ATP10D: variants seen among roughly 807,000 people sequenced by gnomAD.
The protein encoded by ATP10D is ATPase phospholipid transporting 10D (putative), also known as phospholipid-transporting ATPase VD.
In ATP10D, 89 loss-of-function variants were observed where a neutral mutation model predicts 144.8. The ratio of observed to expected loss-of-function variants is 0.61; its 90% confidence interval spans 0.52 to 0.73. The LOEUF (loss-of-function observed/expected upper bound fraction) is 0.73. Ranked by LOEUF, ATP10D falls within the 30% of genes least tolerant of loss-of-function variation. ATP10D has a pLI of 0.00. For missense variants in ATP10D, 1,603 were observed against 1,714.8 expected, an observed-to-expected ratio of 0.93 and a Z score of 1.15; for synonymous variants, 571 against 615.1, an observed-to-expected ratio of 0.93 and a Z score of 1.06.
intron 10 of ATP10D, chr4:47,547,108 T>C: frequency 6.0e-6 from 3 of 498,788 alleles, no homozygotes; most frequent in Non-Finnish European, 1.1e-5. Context: ...AAAAGGAGAA[T>C]ATTTCTGGCC....
intron 1 of ATP10D, among the ~76,000 whole-genome samples, chr4:47,505,650 C>T (rs1462516090): frequency 1.3e-5 from 2 of 151,906 alleles, no homozygotes; most frequent in South Asian, 4.2e-4. Flanking sequence ...GTGGAAGGAT[C>T]GCTTGAACCA....
intron 10 of ATP10D, among the ~76,000 whole-genome samples, chr4:47,554,474 CT>C (rs1718876237): frequency 6.6e-6 from 1 of 152,090 alleles, no homozygotes; most frequent in South Asian, 2.1e-4. Context: ...AACTAAACTC[CT>C]GTTTAGTTTA....
rs1011341205 is a variant in ATP10D, at chr4:47,512,881, A to G, written c.290+51A>G. The G allele has an allele frequency of 6.1e-6, 9 of 1,485,104 alleles. No individual in the cohort carries two copies. The Admixed American group carries it at 1.6e-4, about 26-fold the overall frequency. 92.0% of individuals were successfully genotyped at this position (1,485,104 alleles called of 1,614,324 possible). A position where few individuals can be genotyped will look rare whatever the true frequency, so the allele number is the denominator to read the frequency against. On this transcript the variant is annotated intron_variant, in intron 2 of 22. Coordinates refer to ENST00000273859, the MANE Select transcript of ATP10D (RefSeq NM_020453.4). ...CTTAGAATATCATTCTAGTTGATAT[A>G]TAACATATTTTTCATTTTCATAACC... is the stretch of plus-strand genomic sequence containing the variant.
At chr4:47,549,642 A>G (rs1181263550) in intron 10 of ATP10D, among the ~76,000 whole-genome samples, 1 of 152,256 alleles carries the variant, frequency 6.6e-6, no homozygotes, top group Non-Finnish European at 1.5e-5. Context: ...AGAGAGACAT[A>G]TAAATGAATA....
chr4:47,563,678 C>T lies in ATP10D; in HGVS notation c.2766C>T (p.Asp922=). ...TCAAGATCTGGATGCTGACAGGGGACAAGCAGGAGACAGCTGTCAACATAG... is the reference window on the plus strand; with the variant it reads ...TCAAGATCTGGATGCTGACAGGGGATAAGCAGGAGACAGCTGTCAACATAG... ...AGIKIWMLTG[D]KQETAVNIAY... is the part of the protein sequence containing the mutation. The change falls in exon 15 of 23, where the codon GAC becomes GAT. Residue 922 remains aspartate, a synonymous_variant. Transcript: ENST00000273859. 1 of 1,613,944 alleles carries T rather than the reference C, an allele frequency of 6.2e-7. No individual in the cohort carries two copies. The highest frequency in any genetic ancestry group is 8.5e-7 in the Non-Finnish European group (1 of 1,179,946).
intron 21 of ATP10D, among the ~76,000 whole-genome samples, chr4:47,585,209 C>T (rs1235699838): frequency 6.6e-6 from 1 of 151,910 alleles, no homozygotes; most frequent in Non-Finnish European, 1.5e-5. Flanking sequence ...TAATCAAACC[C>T]TAGACTCAGC....
At chr4:47,549,134 A>G (rs982601505) in intron 10 of ATP10D, among the ~76,000 whole-genome samples, 1 of 152,262 alleles carries the variant, frequency 6.6e-6, no homozygotes, top group Admixed American at 6.5e-5. Flanking sequence ...TTTTAGAAAT[A>G]GAAACCTCTG....
At chr4:47,500,745 T>G (rs980457563) in intron 1 of ATP10D, among the ~76,000 whole-genome samples, 3 of 152,172 alleles carry the variant, frequency 2.0e-5, no homozygotes, top group Non-Finnish European at 2.9e-5. Flanking sequence ...AGGTCTATGC[T>G]AGGGGAACTT....
intron 1 of ATP10D, among the ~76,000 whole-genome samples, chr4:47,495,464 T>C (rs1480169849): frequency 2.0e-5 from 3 of 152,170 alleles, no homozygotes; most frequent in Non-Finnish European, 4.4e-5. Flanking sequence ...AAAATGAAGT[T>C]CTGTTTTCTA....
At chr4:47,534,981 C>A (rs765759928) in intron 5 of ATP10D, among the ~76,000 whole-genome samples, 1 of 151,958 alleles carries the variant, frequency 6.6e-6, no homozygotes, top group Admixed American at 6.6e-5. Context: ...TACTATGCAG[C>A]CATAAAAAGG....
intron 1 of ATP10D, among the ~76,000 whole-genome samples, chr4:47,494,057 T>A (rs186684572): frequency 1.4e-4 from 21 of 152,256 alleles, no homozygotes; most frequent in Admixed American, 3.9e-4. Flanking sequence ...ATTTAATACA[T>A]GAAACTGAAA....
intron 1 of ATP10D, among the ~76,000 whole-genome samples, chr4:47,489,930 AG>A (rs1319109146): frequency 6.6e-6 from 1 of 152,174 alleles, no homozygotes; most frequent in East Asian, 1.9e-4. Flanking sequence ...ATTCAGCTTA[AG>A]GCCTTTTTGA....
intron 1 of ATP10D, among the ~76,000 whole-genome samples, chr4:47,490,678 C>T (rs554176689): frequency 4.6e-5 from 7 of 152,274 alleles, no homozygotes; most frequent in South Asian, 4.1e-4. Context: ...GGAGCCAGCA[C>T]GGGTGGTATA....
At chr4:47,528,048 A>T (rs1717344739) in intron 5 of ATP10D, among the ~76,000 whole-genome samples, 1 of 152,154 alleles carries the variant, frequency 6.6e-6, no homozygotes, top group Admixed American at 6.6e-5. Flanking sequence ...ATTCTAGGAA[A>T]AGTAACAGTG....
chr4:47,527,287 A>G (rs1343973354), intron 5 of ATP10D, among the ~76,000 whole-genome samples: 1 of 152,150 alleles, frequency 6.6e-6, no homozygotes, highest in Non-Finnish European at 1.5e-5. Context: ...ACCTCTCACC[A>G]TTTACAAAAA....
intron 1 of ATP10D, among the ~76,000 whole-genome samples, chr4:47,510,301 A>T (rs918971016): frequency 2.6e-5 from 4 of 152,022 alleles, no homozygotes; most frequent in African/African-American, 9.7e-5. Context: ...AGCCTTGGAG[A>T]GTAGGAGAGA....
chr4:47,533,005 A>T (rs1717648353), intron 5 of ATP10D, among the ~76,000 whole-genome samples: 1 of 152,158 alleles, frequency 6.6e-6, no homozygotes, highest in Non-Finnish European at 1.5e-5. Context: ...ACACAGGTAA[A>T]ATACAGGACA....
chr4:47,513,379 G>T (rs957628062), intron 2 of ATP10D, among the ~76,000 whole-genome samples: 2 of 152,172 alleles, frequency 1.3e-5, no homozygotes, highest in African/African-American at 4.8e-5. Context: ...GTTTGCAGTT[G>T]TGCTAGGGAA....
At chr4:47,491,514 A>G in intron 1 of ATP10D, 2 of 567,028 alleles carry the variant, frequency 3.5e-6, no homozygotes, top group Non-Finnish European at 3.2e-6. Flanking sequence ...GTGCAAATAA[A>G]TCTTATAAAT....
Sources: gnomAD v4.1 joint callset for allele counts (sites outside exome capture counted in the v4.1 genomes callset) on GRCh38, gnomAD v4.1.1 for gene constraint, MANE v1.5 for transcripts, NCBI Gene and HGNC (gene_info 2026-07-23, HGNC 2026-07-21) for gene names.